The following VSTM2L variants were observed in gnomAD, a reference collection of about 807,000 sequenced individuals.
VSTM2L encodes V-set and transmembrane domain-containing protein 2-like protein.
VSTM2L carries 9 observed loss-of-function variants against 19.9 expected under a neutral mutation model. The observed-to-expected ratio is 0.45, with a 90% CI of 0.27 to 0.79. The LOEUF (loss-of-function observed/expected upper bound fraction) is 0.79, where lower values mean the gene tolerates loss of function less well. Among genes scored for constraint, VSTM2L ranks in the 30% least tolerant of loss-of-function variants. The probability of loss-of-function intolerance (pLI) is 0.15; values close to 1 mark genes in which losing one functional copy is unlikely to be tolerated. For synonymous variants in VSTM2L, 127 were observed against 133.8 expected (o/e 0.95, Z 0.35); for missense variants, 286 against 295.5 (o/e 0.97, Z 0.24).
chr20:37,943,975 C>T lies in VSTM2L; in HGVS notation c.343-6C>T. On this transcript the variant is annotated splice_polypyrimidine_tract_variant and splice_region_variant and intron_variant, in intron 3 of 3. Transcript: ENST00000373461. ...GGACAGGTCACGGTCTCTCTGTCAC[C>T]CCCAGGTGGTCAAGGTGGTGGGCAG... The T allele has an allele frequency of 6.5e-7, 1 of 1,528,592 alleles. No homozygotes were observed. 94.7% of individuals were successfully genotyped at this position (1,528,592 alleles called of 1,614,324 possible). A position where few individuals can be genotyped will look rare whatever the true frequency, so the allele number is the denominator to read the frequency against.
chr20:37,911,918 A>T (rs1457567583), intron 1 of VSTM2L, among the ~76,000 whole-genome samples: 1 of 151,626 alleles, frequency 6.6e-6, no homozygotes, highest in Non-Finnish European at 1.5e-5. Context: ...GCATGTGTGT[A>T]TGTGTGCGGG....
At chr20:37,935,226 C>T (rs544345822) in intron 3 of VSTM2L, among the ~76,000 whole-genome samples, 2 of 152,264 alleles carry the variant, frequency 1.3e-5, no homozygotes, top group East Asian at 1.9e-4. Flanking sequence ...TTACCCCCAG[C>T]CCCCCACCCC....
intron 1 of VSTM2L, among the ~76,000 whole-genome samples, chr20:37,907,626 G>A (rs951044198): frequency 1.3e-5 from 2 of 151,722 alleles, no homozygotes; most frequent in African/African-American, 4.8e-5. Context: ...CACTGCAGCA[G>A]ACAACTCCCC....
chr20:37,931,386 G>A (rs892841523), intron 1 of VSTM2L, among the ~76,000 whole-genome samples: 1 of 152,144 alleles, frequency 6.6e-6, no homozygotes, highest in Non-Finnish European at 1.5e-5. Flanking sequence ...TGTGGCTCCA[G>A]GGCCGACACC....
At chr20:37,912,491 G>C (rs565068053) in intron 1 of VSTM2L, among the ~76,000 whole-genome samples, 4 of 152,208 alleles carry the variant, frequency 2.6e-5, no homozygotes, top group Non-Finnish European at 5.9e-5. Flanking sequence ...CGGTGTTTCT[G>C]TCTGACTGTG....
At chr20:37,903,752 CGCT>C (rs2072735674) in intron 1 of VSTM2L, among the ~76,000 whole-genome samples, 2 of 152,178 alleles carry the variant, frequency 1.3e-5, no homozygotes, top group Non-Finnish European at 2.9e-5. Context: ...GAGCCACAGT[CGCT>C]GCTTTCTCAC....
At chr20:37,908,649 C>T (rs934092865) in intron 1 of VSTM2L, among the ~76,000 whole-genome samples, 1 of 151,830 alleles carries the variant, frequency 6.6e-6, no homozygotes, top group African/African-American at 2.4e-5. Context: ...CTCATCTCTA[C>T]AAAAAAATAG....
chr20:37,929,941 T>C (rs1210840144), intron 1 of VSTM2L, among the ~76,000 whole-genome samples: 1 of 152,036 alleles, frequency 6.6e-6, no homozygotes, highest in Non-Finnish European at 1.5e-5. Flanking sequence ...ATAAGAAGGG[T>C]CACAGCTTTG....
chr20:37,917,799 C>T (rs968665657), intron 1 of VSTM2L, among the ~76,000 whole-genome samples: 2 of 152,214 alleles, frequency 1.3e-5, no homozygotes, highest in Non-Finnish European at 2.9e-5. Context: ...AGGCTTTGGA[C>T]TGGATGGGAC....
intron 1 of VSTM2L, among the ~76,000 whole-genome samples, chr20:37,910,936 A>AAAGAAG (rs535141497): frequency 6.6e-6 from 1 of 150,910 alleles, no homozygotes; most frequent in Non-Finnish European, 1.5e-5. Context: ...AAAAAAAGAA[A>AAAGAAG]AAGAAGAAGA....
intron 1 of VSTM2L, among the ~76,000 whole-genome samples, chr20:37,918,795 A>T (rs6021863): frequency 0.27 from 41,213 of 151,862 alleles, 7,290 homozygotes; most frequent in African/African-American, 0.51. Flanking sequence ...GGTCCAAGCA[A>T]GTCCCCTTCT....
chr20:37,911,102 C>A (rs1031732370), intron 1 of VSTM2L, among the ~76,000 whole-genome samples: 1 of 151,564 alleles, frequency 6.6e-6, no homozygotes, highest in East Asian at 1.9e-4. Context: ...GAAACACCAT[C>A]TCTACTAAAA....
At chr20:37,925,018 C>T (rs960443637) in intron 1 of VSTM2L, among the ~76,000 whole-genome samples, 14 of 152,284 alleles carry the variant, frequency 9.2e-5, no homozygotes, top group East Asian at 5.8e-4. Context: ...TTTTACTTTC[C>T]GAGCCTCAAT....
intron 1 of VSTM2L, among the ~76,000 whole-genome samples, chr20:37,931,432 C>T (rs1476006853): frequency 6.6e-6 from 1 of 152,212 alleles, no homozygotes; most frequent in East Asian, 1.9e-4. Flanking sequence ...GGCTGCTGCA[C>T]ACACCCTTGG....
chr20:37,913,878 T>C lies in VSTM2L; in HGVS notation c.121+10407T>C, dbSNP rs563020582. ...GAGAAGGGGGCAGCCCTGGAAGCCT[T>C]CTGAGTGGGGAGGGCGCACGGCCAG... On this transcript the variant is annotated intron_variant, in intron 1 of 3. Transcript: ENST00000373461. Among the ~76,000 whole-genome samples the C allele has an allele frequency of 4.4e-3, 674 of 152,252 alleles. 7 individuals are homozygous for C. Among genetic ancestry groups the C allele is most frequent in the Non-Finnish European group, 6.8e-3 (465 of 68,020 alleles).
chr20:37,940,433 G>T (rs1025696975), intron 3 of VSTM2L, among the ~76,000 whole-genome samples: 10 of 152,250 alleles, frequency 6.6e-5, no homozygotes, highest in Admixed American at 2.6e-4. Flanking sequence ...AGCAGGGAAG[G>T]CTCAGCATGA....
intron 1 of VSTM2L, among the ~76,000 whole-genome samples, chr20:37,928,258 C>A (rs934055345): frequency 9.2e-5 from 14 of 152,168 alleles, no homozygotes; most frequent in Non-Finnish European, 2.1e-4. Context: ...GGGGGAGGGA[C>A]AAGCAACCCA....
At chr20:37,906,144 C>T (rs2072750942) in intron 1 of VSTM2L, among the ~76,000 whole-genome samples, 1 of 152,052 alleles carries the variant, frequency 6.6e-6, no homozygotes, top group Non-Finnish European at 1.5e-5. Context: ...TCCATCTGAG[C>T]CCAGCCCGGC....
At position 37,935,418 on chromosome 20, in the gene VSTM2L, G is replaced by A. The variant is rs528820028; in HGVS notation, c.342+1829G>A. 1.5e-3 allele frequency among the ~76,000 whole-genome samples: 221 copies of A among 152,264 alleles called. 2 individuals carry two copies. The highest frequency in any genetic ancestry group is 5.0e-3 in the African/African-American group (206 of 41,572). ...CCCAAACTTTTCTCCATGGCCTTCA[G>A]AACTCTGCACAATTGCTCTGCCCAC... On this transcript the variant is annotated intron_variant, in intron 3 of 3. Transcript: ENST00000373461.
Sources: gnomAD v4.1 joint callset for allele counts (sites outside exome capture counted in the v4.1 genomes callset) on GRCh38, gnomAD v4.1.1 for gene constraint, MANE v1.5 for transcripts, NCBI Gene and HGNC (gene_info 2026-07-23, HGNC 2026-07-21) for gene names.